Variants in FABP5 observed in about 807,000 individuals in gnomAD.
FABP5 encodes fatty acid binding protein 5.
A neutral mutation model predicts 16.9 loss-of-function variants in FABP5; 7 were observed. The ratio of observed to expected loss-of-function variants is 0.41; its 90% CI spans 0.24 to 0.78. The LOEUF is 0.78. Ranked by LOEUF, FABP5 falls within the 30% of genes least tolerant of loss-of-function variation. The pLI, the probability that FABP5 is intolerant of heterozygous loss-of-function variation, is 0.30. For missense variants in FABP5, 119 were observed against 159.5 expected, an observed-to-expected ratio of 0.75 and a Z score of 1.37; for synonymous variants, 37 against 52.8, an observed-to-expected ratio of 0.70 and a Z score of 1.30.
rs773082196 is a variant in FABP5 at position 81,284,578 on chromosome 8, A to T, written c.*11A>T. ...GAAAAAGTAGAATAAAAATTCCATC[A>T]TCACTTTGGACAGGAGTTAATTAAG... On this transcript the variant is annotated 3_prime_UTR_variant, in exon 4 of 4. Transcript: ENST00000297258. 1.1e-5 allele frequency: 17 copies of T among 1,505,378 alleles called. No homozygotes were observed. The highest frequency in any genetic ancestry group is 1.3e-5 in the Non-Finnish European group (14 of 1,089,218). The allele number at this position is 1,505,378 out of a possible 1,614,324, so 93.3% of individuals were successfully genotyped here. A position where few individuals can be genotyped will look rare whatever the true frequency, so the allele number is the denominator to read the frequency against.
In FABP5 at chr8:81,280,566, T is replaced by C. The variant is rs765997771; in HGVS notation, c.-30T>C. On this transcript the variant is annotated 5_prime_UTR_variant, in exon 1 of 4. Coordinates refer to ENST00000297258, the MANE Select transcript of FABP5 (RefSeq NM_001444.3). ...ACGCTGCCACGCCGACGCAGACCCCTCTCTGCACGCCAGCCCGCCCGCACC... is the reference window on the plus strand; with the variant it reads ...ACGCTGCCACGCCGACGCAGACCCCCCTCTGCACGCCAGCCCGCCCGCACC... 1.7e-4 allele frequency: 265 copies of C among 1,546,210 alleles called. No homozygotes were observed. Among genetic ancestry groups the C allele is most frequent in the Non-Finnish European group, 2.3e-4 (261 of 1,144,128 alleles).
chr8:81,280,793 C>A, intron 1 of FABP5, 119 bp downstream of exon 1: 1 of 893,898 alleles, frequency 1.1e-6, no homozygotes, highest in Non-Finnish European at 1.8e-6. Flanking sequence ...TACCCCCATC[C>A]CCTCCCATCT....
chr8:81,284,530 A>G lies in FABP5; in HGVS notation c.371A>G (p.Asn124Ser), dbSNP rs431905491. Residue 124 changes from asparagine to serine, a missense_variant, in exon 4 of 4, where the codon AAT becomes AGT. Physicochemically the swap from Asn to Ser is conservative, Grantham distance 46 (BLOSUM62 1). Transcript: ENST00000297258. ...GKLVVECVMN[N>S]VTCTRIYEKV... ...TTCTTCTAGGAGTGTGTCATGAACAATGTCACCTGTACTCGGATCTATGAA... is the reference window on the plus strand; with the variant it reads ...TTCTTCTAGGAGTGTGTCATGAACAGTGTCACCTGTACTCGGATCTATGAA... 2.6e-5 allele frequency: 41 copies of G among 1,603,708 alleles called. No homozygotes were observed. In the East Asian group the frequency reaches 8.5e-4, roughly 33 times the overall value.
chr8:81,283,535 T>G lies in FABP5; in HGVS notation c.249T>G (p.Thr83=). The change falls in exon 2 of 4, where the codon ACT becomes ACG. Residue 83 remains threonine (T), a synonymous_variant. Transcript: ENST00000297258. ...AAACCACAGCTGATGGCAGAAAAACTCAGGTCAGTCGTGACATGTTATGAA... is the reference window on the plus strand; with the variant it reads ...AAACCACAGCTGATGGCAGAAAAACGCAGGTCAGTCGTGACATGTTATGAA... ...FEETTADGRK[T]QTVCNFTDGA... is the part of the protein sequence containing the mutation. 2.5e-6 allele frequency: 4 copies of G among 1,610,532 alleles called. No homozygotes were observed. Among genetic ancestry groups the G allele is most frequent in the Non-Finnish European group, 3.4e-6 (4 of 1,179,006 alleles).
In FABP5 at chr8:81,281,650, C is replaced by T. The variant is rs1807833003; in HGVS notation, c.79+976C>T. 1 of 985,422 alleles carries T rather than the reference C, an allele frequency of 1.0e-6. No individual in the cohort carries two copies. 61.0% of individuals were successfully genotyped at this position (985,422 alleles called of 1,614,324 possible). A position where few individuals can be genotyped will look rare whatever the true frequency, so the allele number is the denominator to read the frequency against. ...AAGGCAGATGACTTCTTGAAGCGTT[C>T]CGAGGGAGAATGAATCTCAGTAGTA... On this transcript the variant is annotated intron_variant, in intron 1 of 3. Transcript: ENST00000297258. The surrounding 1 kb of genome is among the most constrained non-coding windows in gnomAD (Gnocchi z 4.5).
intron 1 of FABP5, among the ~76,000 whole-genome samples, chr8:81,282,341 G>A (rs1027278129): frequency 3.2e-4 from 49 of 152,134 alleles, no homozygotes; most frequent in Admixed American, 3.1e-3. Flanking sequence ...AATGTGAAAA[G>A]AGCAGAGCCC....
At chr8:81,284,075 GA>G (rs548473088) in intron 3 of FABP5, 101 bp downstream of exon 3, 47 of 871,510 alleles carry the variant, frequency 5.4e-5, no homozygotes, top group Non-Finnish European at 4.2e-5. Context: ...CAGTTTGGAA[GA>G]AAAAAAAGCA....
chr8:81,284,133 G>C (rs1187439361), intron 3 of FABP5, 159 bp downstream of exon 3: 10 of 611,098 alleles, frequency 1.6e-5, no homozygotes, highest in Non-Finnish European at 2.8e-5. Flanking sequence ...GAAAGTCCTA[G>C]TGGAGATAGA....
rs775400916 is a variant in FABP5 at position 81,284,535 on chromosome 8, A to G, written c.376A>G (p.Thr126Ala). 7.5e-6 allele frequency: 12 copies of G among 1,603,534 alleles called. No homozygotes were observed. The change falls in exon 4 of 4, where the codon ACC becomes GCC. Residue 126 changes from threonine (T) to alanine (A), a missense_variant. Thr to Ala is a moderately conservative substitution (Grantham distance 58). Transcript: ENST00000297258. Reference protein sequence around the residue: ...LVVECVMNNVTCTRIYEKVE With the variant: ...LVVECVMNNVACTRIYEKVE Reference sequence around the variant, plus strand: ...CTAGGAGTGTGTCATGAACAATGTCACCTGTACTCGGATCTATGAAAAAGT... The same window carrying G: ...CTAGGAGTGTGTCATGAACAATGTCGCCTGTACTCGGATCTATGAAAAAGT...
intron 3 of FABP5, chr8:81,284,303 T>A (rs1210637683): frequency 3.6e-6 from 2 of 549,932 alleles, no homozygotes; most frequent in Admixed American, 6.5e-5. Context: ...TAAAGATATA[T>A]TCAACACATT....
Position 81,281,696 on chromosome 8 carries a change from A to G in FABP5, c.79+1022A>G. The G allele has an allele frequency of 1.0e-6, 1 of 981,184 alleles. No individual in the cohort carries two copies. Among genetic ancestry groups the G allele is most frequent in the Non-Finnish European group, 1.2e-6 (1 of 826,004 alleles). The allele number at this position is 981,184 out of a possible 1,614,324, so 60.8% of individuals were successfully genotyped here. A position where few individuals can be genotyped will look rare whatever the true frequency, so the allele number is the denominator to read the frequency against. On this transcript the variant is annotated intron_variant, in intron 1 of 3. Coordinates refer to ENST00000297258, the MANE Select transcript of FABP5 (RefSeq NM_001444.3). This position sits in a 1 kb window ranked among gnomAD's most constrained non-coding sequence, Gnocchi z 4.5. ...TAGTAAGATTCATTTCTCACTCAAAACAGTGCTTCATTATAAATTACTGTC... is the reference window on the plus strand; with the variant it reads ...TAGTAAGATTCATTTCTCACTCAAAGCAGTGCTTCATTATAAATTACTGTC...
intron 1 of FABP5, 150 bp downstream of exon 1, chr8:81,280,824 G>A: frequency 1.4e-6 from 1 of 697,398 alleles, no homozygotes; most frequent in South Asian, 1.8e-5. Context: ...GCGGCCGTTG[G>A]GTGCAGCGCG....
Position 81,281,449 on chromosome 8 carries a change from C to CG in FABP5, c.79+778dup. Reference sequence around the variant, plus strand: ...TGCCGGGCCGGGGCGCCGCAGTGGGCGGGTGGCCTGTGGGAGGAGCGCAAT... The same window carrying CG: ...TGCCGGGCCGGGGCGCCGCAGTGGGCGGGGTGGCCTGTGGGAGGAGCGCAAT... On this transcript the variant is annotated intron_variant, in intron 1 of 3. Transcript: ENST00000297258. The surrounding 1 kb of genome is among the most constrained non-coding windows in gnomAD (Gnocchi z 4.5). 1.0e-6 allele frequency: 1 copy of CG among 985,756 alleles called. No individual in the cohort carries two copies. The highest frequency in any genetic ancestry group is 1.2e-6 in the Non-Finnish European group (1 of 830,414). 61.1% of individuals were successfully genotyped at this position (985,756 alleles called of 1,614,324 possible).
At position 81,283,498 on chromosome 8, in the gene FABP5, A is replaced by G; in HGVS notation, c.212A>G (p.Glu71Gly). 8 of 1,611,974 alleles carry G rather than the reference A, an allele frequency of 5.0e-6. No homozygotes were observed. The highest frequency in any genetic ancestry group is 6.8e-6 in the Non-Finnish European group (8 of 1,179,502). ...ACACAGTTTTCTTGTACCCTGGGAG[A>G]GAAGTTTGAAGAAACCACAGCTGAT... The part of the protein sequence containing the change: ...KTTQFSCTLG[E>G]KFEETTADGR... Residue 71 changes from glutamate (E) to glycine (G), a missense_variant, in exon 2 of 4, where the codon GAG becomes GGG. Transcript: ENST00000297258.
In FABP5 at chr8:81,283,946, G is replaced by C. The variant is rs368489863; in HGVS notation, c.326G>C (p.Arg109Thr). Residue 109 changes from arginine to threonine, a missense_variant, in exon 3 of 4, where the codon AGA becomes ACA. Coordinates refer to ENST00000297258, the MANE Select transcript of FABP5 (RefSeq NM_001444.3). ...EWDGKESTIT[R>T]KLKDGKLVVE... ...GATGGGAAGGAAAGCACAATAACAA[G>C]AAAATTGAAAGATGGGAAATTAGTG... 1.2e-6 allele frequency: 2 copies of C among 1,610,690 alleles called. No individual in the cohort carries two copies. Among genetic ancestry groups the C allele is most frequent in the Non-Finnish European group, 1.7e-6 (2 of 1,178,656 alleles).
intron 3 of FABP5, chr8:81,284,262 A>C (rs976268597): frequency 5.6e-6 from 3 of 532,068 alleles, no homozygotes; most frequent in Non-Finnish European, 9.9e-6. Context: ...TATATCTTTA[A>C]AATAAGGAAT....
At chr8:81,280,815 C>T (rs1313223689) in intron 1 of FABP5, 141 bp downstream of exon 1, 7 of 763,478 alleles carry the variant, frequency 9.2e-6, no homozygotes, top group Non-Finnish European at 8.7e-6. Context: ...CCCCACCACG[C>T]GGCCGTTGGG....
chr8:81,283,298 T>C, intron 1 of FABP5, 68 bp from the exon 2 acceptor site: 1 of 1,297,650 alleles, frequency 7.7e-7, no homozygotes, highest in Non-Finnish European at 1.1e-6. Context: ...ACAATGGAAT[T>C]ATTGCTTTTA....
In FABP5 at chr8:81,280,548, C is replaced by G. The variant is rs923135400; in HGVS notation, c.-48C>G. On this transcript the variant is annotated 5_prime_UTR_variant, in exon 1 of 4. Transcript: ENST00000297258. ...CGCCGGGTGCCTCACAGCACGCTGC[C>G]ACGCCGACGCAGACCCCTCTCTGCA... is the stretch of plus-strand genomic sequence containing the variant. 6.5e-7 allele frequency: 1 copy of G among 1,539,050 alleles called. No individual in the cohort carries two copies. Among genetic ancestry groups the G allele is most frequent in the South Asian group, 1.2e-5 (1 of 83,056 alleles).
Sources: allele counts gnomAD v4.1 joint callset (sites outside exome capture counted in the v4.1 genomes callset), GRCh38; gene constraint gnomAD v4.1.1; non-coding constraint Gnocchi (gnomAD v3.1); transcripts MANE v1.5; gene names NCBI Gene and HGNC (gene_info 2026-07-23, HGNC 2026-07-21).